GALC: variants seen among roughly 807,000 people sequenced by gnomAD.
The protein encoded by GALC is galactosylceramidase, also known as galactocerebrosidase.
GALC carries 77 observed loss-of-function variants against 91.8 expected under a neutral mutation model. The observed-to-expected ratio is 0.84, with a 90% CI of 0.70 to 1.01. The LOEUF is 1.01. Ranked by LOEUF, GALC falls within the 50% of genes least tolerant of loss-of-function variation. The pLI, the probability that GALC is intolerant of heterozygous loss-of-function variation, is 0.00. For synonymous variants in GALC, 357 were observed against 306.7 expected (o/e 1.16, Z -1.71); for missense variants, 882 against 855.9 (o/e 1.03, Z -0.38).
chr14:87,957,931 T>A (rs3844023), intron 10 of GALC, among the ~76,000 whole-genome samples: 49,875 of 152,062 alleles, frequency 0.33, 9,554 homozygotes, highest in East Asian at 0.75. Context: ...GAGACCACAA[T>A]GCCCAAAGCA....
intron 10 of GALC, among the ~76,000 whole-genome samples, chr14:87,958,818 T>C (rs1885672291): frequency 6.6e-6 from 1 of 152,170 alleles, no homozygotes; most frequent in African/African-American, 2.4e-5. Context: ...ACTGGACTCC[T>C]GTCTCTCACA....
chr14:87,953,488 C>T (rs2139970103), intron 10 of GALC: 1 of 1,595,172 alleles, frequency 6.3e-7, no homozygotes, highest in East Asian at 2.2e-5. Context: ...TGACAAAGGT[C>T]CTGAAGAAAA....
chr14:87,965,747 A>G (rs1886021784), intron 8 of GALC, 118 bp from the exon 9 acceptor site: 1 of 996,330 alleles, frequency 1.0e-6, no homozygotes, highest in Non-Finnish European at 1.5e-6. Context: ...AATGACAATA[A>G]AAGGATCACC....
chr14:87,965,093 A>G (rs1885977293), intron 9 of GALC, among the ~76,000 whole-genome samples: 1 of 152,184 alleles, frequency 6.6e-6, no homozygotes, highest in African/African-American at 2.4e-5. Context: ...TGATTTTGCT[A>G]GCATACGATT....
chr14:87,985,501 T>A (rs1260527992), intron 4 of GALC, among the ~76,000 whole-genome samples: 4 of 152,184 alleles, frequency 2.6e-5, no homozygotes, highest in Non-Finnish European at 5.9e-5. Context: ...TTGGAAGCAG[T>A]CTAGTGGATA....
chr14:87,945,441 T>A, intron 14 of GALC, 112 bp downstream of exon 14: 1 of 822,394 alleles, frequency 1.2e-6, no homozygotes, highest in South Asian at 1.4e-5. Flanking sequence ...ATATTACACA[T>A]CTATTAGGTT....
intron 10 of GALC, chr14:87,952,762 A>G: frequency 6.5e-7 from 1 of 1,529,996 alleles, no homozygotes; most frequent in African/African-American, 1.4e-5. Context: ...GTGAAAGATT[A>G]CTTTGTACAT....
intron 10 of GALC, among the ~76,000 whole-genome samples, chr14:87,951,969 C>T (rs1330597220): frequency 6.6e-6 from 1 of 151,724 alleles, no homozygotes; most frequent in Non-Finnish European, 1.5e-5. Flanking sequence ...TCAATGTATA[C>T]TGCTCGGGGA....
intron 1 of GALC, 109 bp from the exon 2 acceptor site, chr14:87,988,632 G>T: frequency 1.2e-6 from 1 of 849,136 alleles, no homozygotes; most frequent in Non-Finnish European, 2.0e-6. Context: ...CCTCAGGCAA[G>T]GTCAGGCTGA....
rs1421916966 is a variant in GALC, at chr14:87,993,170, G to A, written c.-6C>T. 2.5e-6 allele frequency: 4 copies of A among 1,587,534 alleles called. No individual in the cohort carries two copies. Among genetic ancestry groups the A allele is most frequent in the Non-Finnish European group, 3.4e-6 (4 of 1,167,064 alleles). The stretch of plus-strand genomic sequence containing the variant: ...GAGAGTAGCCACTCAGCCATTGTGT[G>A]GGTCACATGACTCCGGCGCCCAGGG... On this transcript the variant is annotated 5_prime_UTR_variant, in exon 1 of 17. Transcript: ENST00000261304.
At chr14:87,945,362 C>T (rs1555379114) in intron 14 of GALC, among the ~76,000 whole-genome samples, 191 bp downstream of exon 14, 3 of 152,022 alleles carry the variant, frequency 2.0e-5, no homozygotes, top group Non-Finnish European at 4.4e-5. Context: ...GAGGGAAGGA[C>T]ACTGGGGCAG....
intron 12 of GALC, among the ~76,000 whole-genome samples, chr14:87,948,533 C>T (rs557787486): frequency 1.3e-5 from 2 of 152,090 alleles, no homozygotes; most frequent in Non-Finnish European, 2.9e-5. Flanking sequence ...GGAAAACGCT[C>T]CCAGTATCAA....
chr14:87,988,295 C>T (rs944936125), intron 2 of GALC, 88 bp from the exon 3 acceptor site: 51 of 1,369,250 alleles, frequency 3.7e-5, no homozygotes, highest in African/African-American at 1.9e-4. Flanking sequence ...GTTTTACAGA[C>T]GCAAAAACAA....
rs1454061121 is a variant in GALC at position 87,947,840 on chromosome 14, A to T, written c.1377T>A (p.His459Gln). 6.2e-7 allele frequency: 1 copy of T among 1,612,606 alleles called. No homozygotes were observed. Among genetic ancestry groups the T allele is most frequent in the Non-Finnish European group, 8.5e-7 (1 of 1,179,152 alleles). The stretch of plus-strand genomic sequence containing the variant: ...TGGTGAGTGTGAACAGCTCATCTTC[A>T]TGCAGGCTCAGTGTGAAACTGCCAT... The part of the protein sequence containing the change: ...DSDGSFTLSL[H>Q]EDELFTLTTL... The change falls in exon 13 of 17, where the codon CAT (histidine) becomes CAA (glutamine). Residue 459 changes from histidine to glutamine, a missense_variant. By Grantham distance (24) the His-to-Gln change is conservative (BLOSUM62 0). Coordinates refer to ENST00000261304, the MANE Select transcript of GALC (RefSeq NM_000153.4).
In GALC at chr14:87,968,351, T is replaced by G; in HGVS notation, c.892A>C (p.Asn298His). 6.2e-7 allele frequency: 1 copy of G among 1,612,974 alleles called. No individual in the cohort carries two copies. The highest frequency in any genetic ancestry group is 8.5e-7 in the Non-Finnish European group (1 of 1,179,394). ...ATAACTTACGAAGTCATATAGCCAT[T>G]GATATAATTCTGATTTAAAATGCGA... The part of the protein sequence containing the change: ...WGRILNQNYI[N>H]GYMTSTIAWN... Residue 298 changes from asparagine (N) to histidine (H), a missense_variant, in exon 8 of 17, where the codon AAT becomes CAT. Coordinates refer to ENST00000261304, the MANE Select transcript of GALC (RefSeq NM_000153.4).
intron 1 of GALC, chr14:87,992,435 T>C (rs1245853654): frequency 2.0e-6 from 3 of 1,535,114 alleles, no homozygotes; most frequent in Non-Finnish European, 2.6e-6. Context: ...TATTCGGCGC[T>C]ACCCTCTCTG....
At chr14:87,992,707 ACT>A (rs1887257584) in intron 1 of GALC, 5 of 1,429,824 alleles carry the variant, frequency 3.5e-6, no homozygotes, top group East Asian at 2.5e-5. Flanking sequence ...CTGTCACTTT[ACT>A]CTCTGCACCT....
chr14:87,987,344 C>T (rs1339923406), intron 3 of GALC, among the ~76,000 whole-genome samples: 1 of 152,214 alleles, frequency 6.6e-6, no homozygotes, highest in Non-Finnish European at 1.5e-5. Context: ...TTAGCTTCAG[C>T]AAGTGAAATT....
At chr14:87,978,164 G>A (rs1274466191) in intron 6 of GALC, among the ~76,000 whole-genome samples, 1 of 152,162 alleles carries the variant, frequency 6.6e-6, no homozygotes, top group Non-Finnish European at 1.5e-5. Context: ...CAATTCTCCT[G>A]CCTCAGCCTC....
Sources: allele counts gnomAD v4.1 joint callset (sites outside exome capture counted in the v4.1 genomes callset), GRCh38; gene constraint gnomAD v4.1.1; transcripts MANE v1.5; gene names NCBI Gene and HGNC (gene_info 2026-07-23, HGNC 2026-07-21).